Variants in SMIM18 observed in about 807,000 individuals in gnomAD.
SMIM18 encodes small integral membrane protein 18.
SMIM18 carries 4 observed loss-of-function variants against 5.9 expected under a neutral mutation model. The observed-to-expected ratio is 0.68, with a 90% CI of 0.33 to 1.56. The LOEUF (loss-of-function observed/expected upper bound fraction) is 1.56. Among genes scored for constraint, SMIM18 ranks in the 40% most tolerant of loss-of-function variants. The pLI, the probability that SMIM18 is intolerant of heterozygous loss-of-function variation, is 0.06. For missense variants in SMIM18, 89 were observed against 109.7 expected (o/e 0.81, Z 0.84); for synonymous variants, 37 against 37.4 (o/e 0.99, Z 0.04).
chr8:30,640,478 C>T (rs1801776607), intron 1 of SMIM18, among the ~76,000 whole-genome samples: 1 of 151,874 alleles, frequency 6.6e-6, no homozygotes, highest in Admixed American at 6.6e-5. Flanking sequence ...AAAACTAAAA[C>T]ACATATGCTA....
chr8:30,642,088 T>C (rs963216150), intron 1 of SMIM18, among the ~76,000 whole-genome samples: 2 of 152,196 alleles, frequency 1.3e-5, no homozygotes, highest in African/African-American at 2.4e-5. Flanking sequence ...ATGTATTAAA[T>C]AGATACATAA....
At chr8:30,644,613 G>A (rs1296481541) in intron 2 of SMIM18, 41 bp downstream of exon 2, 1 of 152,152 alleles carries the variant, frequency 6.6e-6, no homozygotes, top group Non-Finnish European at 1.5e-5. Flanking sequence ...AGCTTTTCCA[G>A]GGGCAGTTTG....
At chr8:30,645,175 A>T in intron 2 of SMIM18, 106 bp from the exon 3 acceptor site, 1 of 980,922 alleles carries the variant, frequency 1.0e-6, no homozygotes, top group Non-Finnish European at 1.5e-6. Context: ...TTAATTAAGG[A>T]AGATTCATGT....
chr8:30,645,144 T>C, intron 2 of SMIM18, 137 bp from the exon 3 acceptor site: 1 of 772,812 alleles, frequency 1.3e-6, no homozygotes, highest in South Asian at 2.0e-5. Flanking sequence ...TACAAAAAAA[T>C]TCAAAACTAC....
chr8:30,643,333 G>C (rs1245087118), intron 1 of SMIM18: 1 of 152,042 alleles, frequency 6.6e-6, no homozygotes. Flanking sequence ...AGGTAGAGAT[G>C]GGCCAAGAGT....
At chr8:30,644,923 GTA>G (rs1258369971) in intron 2 of SMIM18, among the ~76,000 whole-genome samples, 1 of 151,576 alleles carries the variant, frequency 6.6e-6, no homozygotes, top group Non-Finnish European at 1.5e-5. Flanking sequence ...GCTAATTTTT[GTA>G]TGTTTTGTAG....
intron 1 of SMIM18, among the ~76,000 whole-genome samples, chr8:30,639,962 A>G (rs570005978): frequency 6.6e-6 from 1 of 152,342 alleles, no homozygotes; most frequent in Admixed American, 6.5e-5. Flanking sequence ...CAAAAGTCTC[A>G]GATAAAATAA....
intron 1 of SMIM18, among the ~76,000 whole-genome samples, chr8:30,640,103 T>C (rs1443933037): frequency 2.0e-5 from 3 of 152,222 alleles, no homozygotes; most frequent in Non-Finnish European, 4.4e-5. Flanking sequence ...ATATGTCTAT[T>C]GTTAGCACAG....
At chr8:30,644,984 A>C (rs1802015060) in intron 2 of SMIM18, among the ~76,000 whole-genome samples, 1 of 152,128 alleles carries the variant, frequency 6.6e-6, no homozygotes, top group Non-Finnish European at 1.5e-5. Flanking sequence ...TCCTGGGCTC[A>C]AGTGATCTGC....
At chr8:30,642,573 T>C (rs553416408) in intron 1 of SMIM18, among the ~76,000 whole-genome samples, 1 of 152,220 alleles carries the variant, frequency 6.6e-6, no homozygotes, top group Non-Finnish European at 1.5e-5. Flanking sequence ...CTCACTCTCC[T>C]CCCGATGGAT....
At chr8:30,641,742 C>T (rs1339299492) in intron 1 of SMIM18, among the ~76,000 whole-genome samples, 1 of 152,198 alleles carries the variant, frequency 6.6e-6, no homozygotes, top group Non-Finnish European at 1.5e-5. Context: ...CTGGGTGTGA[C>T]TGTACATACC....
chr8:30,641,930 G>C (rs1000592637), intron 1 of SMIM18, among the ~76,000 whole-genome samples: 1 of 152,180 alleles, frequency 6.6e-6, no homozygotes, highest in African/African-American at 2.4e-5. Context: ...GCCTCCCAAA[G>C]TGTGGGGGTG....
At chr8:30,641,748 A>G (rs761778773) in intron 1 of SMIM18, among the ~76,000 whole-genome samples, 1 of 152,192 alleles carries the variant, frequency 6.6e-6, no homozygotes, top group Non-Finnish European at 1.5e-5. Flanking sequence ...GTGACTGTAC[A>G]TACCTGTAAT....
At chr8:30,642,641 C>T (rs553133522) in intron 1 of SMIM18, among the ~76,000 whole-genome samples, 10 of 125,772 alleles carry the variant, frequency 8.0e-5, no homozygotes, top group Non-Finnish European at 1.3e-4. Flanking sequence ...GATTTCTCTG[C>T]AGATACAAGC....
Position 30,645,895 on chromosome 8 carries a change from G to C in SMIM18, c.*298G>C, listed in dbSNP as rs1802057758. ...AAGCAGCAAAAGATAAGCTGGAAAA[G>C]ACAAGCAAGGCTAATGATGCTAAAA... On this transcript the variant is annotated 3_prime_UTR_variant, in exon 3 of 3. Coordinates refer to ENST00000517349, the MANE Select transcript of SMIM18 (RefSeq NM_001206847.2). The C allele has an allele frequency of 7.7e-6, 2 of 260,830 alleles. No homozygotes were observed. The highest frequency in any genetic ancestry group is 4.9e-5 in the Admixed American group (1 of 20,508). 16.2% of individuals were successfully genotyped at this position (260,830 alleles called of 1,614,324 possible). A position where few individuals can be genotyped will look rare whatever the true frequency, so the allele number is the denominator to read the frequency against.
intron 1 of SMIM18, among the ~76,000 whole-genome samples, 168 bp downstream of exon 1, chr8:30,638,807 A>G (rs528234734): frequency 1.3e-5 from 2 of 152,210 alleles, no homozygotes; most frequent in Non-Finnish European, 2.9e-5. Flanking sequence ...AAATATGAAG[A>G]CTGCCTTGTG....
intron 1 of SMIM18, among the ~76,000 whole-genome samples, chr8:30,639,103 G>C (rs1052012258): frequency 6.6e-6 from 1 of 152,084 alleles, no homozygotes; most frequent in African/African-American, 2.4e-5. Flanking sequence ...TTATAAGAAA[G>C]TTTGTTATAT....
intron 1 of SMIM18, chr8:30,643,862 A>C (rs975040061): frequency 1.3e-5 from 2 of 152,144 alleles, no homozygotes; most frequent in African/African-American, 2.4e-5. Flanking sequence ...GTTTTCGTTA[A>C]ATGAAACACT....
intron 1 of SMIM18, chr8:30,643,774 C>T (rs2128727386): frequency 6.6e-6 from 1 of 150,740 alleles, no homozygotes; most frequent in African/African-American, 2.4e-5. Context: ...AGTCTTAACC[C>T]AATTTTTGAG....
Sources: gnomAD v4.1 joint callset for allele counts (sites outside exome capture counted in the v4.1 genomes callset) on GRCh38, gnomAD v4.1.1 for gene constraint, MANE v1.5 for transcripts, NCBI Gene and HGNC (gene_info 2026-07-23, HGNC 2026-07-21) for gene names.